PPFIA2: variants seen among roughly 807,000 people sequenced by gnomAD.
The protein encoded by PPFIA2 is PPFI scaffold protein A2.
A neutral mutation model predicts 175.5 loss-of-function variants in PPFIA2; 46 were observed. The observed-to-expected ratio is 0.26, with a 90% CI of 0.21 to 0.34. The LOEUF is 0.34. Ranked by LOEUF, PPFIA2 falls within the 10% of genes least tolerant of loss-of-function variation. PPFIA2 has a pLI of 1.00. For missense variants in PPFIA2, 1,179 were observed against 1,506.1 expected (o/e 0.78, Z 3.60); for synonymous variants, 568 against 511.4 (o/e 1.11, Z -1.49).
chr12:81,284,431 G>T, intron 24 of PPFIA2, 128 bp from the exon 25 acceptor site: 1 of 668,270 alleles, frequency 1.5e-6, no homozygotes, highest in Non-Finnish European at 2.7e-6. Context: ...CCTACCGTGT[G>T]CATGAAAGAG....
Position 81,371,618 on chromosome 12 carries a change from A to T in PPFIA2, c.1267-2424T>A, listed in dbSNP as rs182488864. On this transcript the variant is annotated intron_variant, in intron 11 of 32. Coordinates refer to ENST00000549396, the MANE Select transcript of PPFIA2 (RefSeq NM_003625.5). The stretch of plus-strand genomic sequence containing the variant: ...TGTGAAAATTCCCTTCAGAGAAAAA[A>T]AAAGAATTTGGTCCTGTTTAAATTC... 2.7e-3 allele frequency among the ~76,000 whole-genome samples: 406 copies of T among 151,898 alleles called. 3 individuals carry two copies. The highest frequency in any genetic ancestry group is 4.5e-3 in the Non-Finnish European group (306 of 67,842).
intron 4 of PPFIA2, among the ~76,000 whole-genome samples, chr12:81,625,116 A>G (rs999753772): frequency 1.3e-5 from 2 of 151,908 alleles, no homozygotes; most frequent in African/African-American, 2.4e-5. Context: ...GTATGAATAG[A>G]TATAAATTAT....
chr12:81,274,245 T>G (rs2039930024), intron 28 of PPFIA2, among the ~76,000 whole-genome samples: 1 of 152,176 alleles, frequency 6.6e-6, no homozygotes, highest in African/African-American at 2.4e-5. Flanking sequence ...AACGTGACAA[T>G]GCTCTCAATA....
At chr12:81,509,962 A>G (rs1193337429) in intron 4 of PPFIA2, among the ~76,000 whole-genome samples, 1 of 152,172 alleles carries the variant, frequency 6.6e-6, no homozygotes, top group Non-Finnish European at 1.5e-5. Context: ...GAAGAGGAGA[A>G]AAGAACACAC....
At chr12:81,683,100 T>C (rs2073920253) in intron 3 of PPFIA2, among the ~76,000 whole-genome samples, 1 of 152,066 alleles carries the variant, frequency 6.6e-6, no homozygotes, top group African/African-American at 2.4e-5. Context: ...TAAAATGCAA[T>C]AATGCAAAAT....
chr12:81,289,080 G>A (rs1266795178), intron 24 of PPFIA2, among the ~76,000 whole-genome samples: 1 of 151,630 alleles, frequency 6.6e-6, no homozygotes, highest in Admixed American at 6.6e-5. Context: ...CATTAGTTTT[G>A]CCCATTTGTG....
At chr12:81,692,096 A>C (rs995298891) in intron 3 of PPFIA2, among the ~76,000 whole-genome samples, 2 of 97,556 alleles carry the variant, frequency 2.1e-5, no homozygotes, top group African/African-American at 4.9e-5. Context: ...ACACACACAC[A>C]TACACAAACA....
intron 3 of PPFIA2, among the ~76,000 whole-genome samples, chr12:81,706,844 C>G (rs924045586): frequency 6.6e-6 from 1 of 152,186 alleles, no homozygotes; most frequent in African/African-American, 2.4e-5. Context: ...TGGAACAGAA[C>G]AGAGCCCTCA....
At chr12:81,511,298 A>G (rs369938030) in intron 4 of PPFIA2, among the ~76,000 whole-genome samples, 14 of 152,262 alleles carry the variant, frequency 9.2e-5, no homozygotes, top group African/African-American at 2.9e-4. Context: ...GCCAACAGAC[A>G]CTTTGTGATG....
At chr12:81,315,604 T>G (rs1379383644) in intron 22 of PPFIA2, among the ~76,000 whole-genome samples, 3 of 151,672 alleles carry the variant, frequency 2.0e-5, no homozygotes, top group Non-Finnish European at 4.4e-5. Flanking sequence ...GAAGCATGAT[T>G]TGTGGTGATG....
chr12:81,638,035 C>T (rs988947686), intron 4 of PPFIA2, among the ~76,000 whole-genome samples: 3 of 152,130 alleles, frequency 2.0e-5, no homozygotes, highest in South Asian at 2.1e-4. Flanking sequence ...CCCCATTACC[C>T]GACTATTTTT....
At chr12:81,633,840 G>T (rs966630220) in intron 4 of PPFIA2, among the ~76,000 whole-genome samples, 5 of 151,958 alleles carry the variant, frequency 3.3e-5, no homozygotes, top group East Asian at 1.9e-4. Context: ...TTTGGAGCAG[G>T]GGGGAGAGGA....
chr12:81,513,500 T>C (rs910111820), intron 4 of PPFIA2, among the ~76,000 whole-genome samples: 4 of 151,898 alleles, frequency 2.6e-5, no homozygotes, highest in African/African-American at 7.2e-5. Flanking sequence ...GGAACCAACC[T>C]AAGTTCCCAT....
At chr12:81,387,145 C>G (rs117927298) in intron 8 of PPFIA2, among the ~76,000 whole-genome samples, 1,713 of 152,084 alleles carry the variant, frequency 0.011, 14 homozygotes, top group Non-Finnish European at 0.018. Flanking sequence ...CTTCTACAAG[C>G]AAACTTCAGC....
At chr12:81,261,560 C>G (rs550787525) in intron 32 of PPFIA2, among the ~76,000 whole-genome samples, 39 of 152,198 alleles carry the variant, frequency 2.6e-4, no homozygotes, top group Admixed American at 1.6e-3. Context: ...AATCCCTATC[C>G]GCTACCTTGG....
At chr12:81,310,708 C>T (rs184948792) in intron 22 of PPFIA2, among the ~76,000 whole-genome samples, 2 of 152,226 alleles carry the variant, frequency 1.3e-5, no homozygotes, top group East Asian at 3.9e-4. Context: ...ACATGGTTGA[C>T]GAGTACTCTA....
intron 16 of PPFIA2, among the ~76,000 whole-genome samples, chr12:81,354,100 G>T (rs192796409): frequency 1.3e-4 from 20 of 152,284 alleles, no homozygotes; most frequent in African/African-American, 4.6e-4. Context: ...CTGGTGGAAG[G>T]TCTTGCCTTG....
At chr12:81,453,997 T>A (rs2053133676) in intron 5 of PPFIA2, among the ~76,000 whole-genome samples, 1 of 152,112 alleles carries the variant, frequency 6.6e-6, no homozygotes, top group Non-Finnish European at 1.5e-5. Flanking sequence ...ACGGGCCGAC[T>A]GCTTGAGCCC....
chr12:81,361,677 A>G (rs975294684), intron 15 of PPFIA2, among the ~76,000 whole-genome samples: 4 of 151,680 alleles, frequency 2.6e-5, no homozygotes, highest in Non-Finnish European at 5.9e-5. Context: ...TCTATAATAT[A>G]TCTTGAGAGC....
Sources: gnomAD v4.1 joint callset for allele counts (sites outside exome capture counted in the v4.1 genomes callset) on GRCh38, gnomAD v4.1.1 for gene constraint, MANE v1.5 for transcripts, NCBI Gene and HGNC (gene_info 2026-07-23, HGNC 2026-07-21) for gene names.